UGT1A5: variants seen among roughly 807,000 people sequenced by gnomAD.
The protein encoded by UGT1A5 is UDP glucuronosyltransferase family 1 member A5.
A neutral mutation model predicts 40.3 loss-of-function variants in UGT1A5; 29 were observed. The observed-to-expected ratio is 0.72, with a 90% confidence interval of 0.54 to 0.98. The LOEUF (loss-of-function observed/expected upper bound fraction) is 0.98. Among genes scored for constraint, UGT1A5 ranks in the 50% least tolerant of loss-of-function variants. The probability of loss-of-function intolerance (pLI) is 0.00; values close to 1 mark genes in which losing one functional copy is unlikely to be tolerated. For synonymous variants in UGT1A5, 257 were observed against 262.5 expected (o/e 0.98, Z 0.20); for missense variants, 678 against 677.9 (o/e 1.00, Z 0.00).
At chr2:233,731,204 C>G (rs755932690) in intron 1 of UGT1A5, among the ~76,000 whole-genome samples, 2 of 151,184 alleles carry the variant, frequency 1.3e-5, no homozygotes, top group Non-Finnish European at 2.9e-5. Context: ...TTATAAAATA[C>G]GTGTTTATTT....
At chr2:233,756,974 T>C (rs1036999646) in intron 1 of UGT1A5, among the ~76,000 whole-genome samples, 2 of 151,942 alleles carry the variant, frequency 1.3e-5, no homozygotes, top group South Asian at 2.1e-4. Context: ...AAGCACGCAA[T>C]GAACAGTCAT....
chr2:233,724,899 C>G lies in UGT1A5; in HGVS notation c.867+11041C>G, dbSNP rs1488264154. On this transcript the variant is annotated intron_variant, in intron 1 of 4. Transcript: ENST00000373414. ...CGGAGATCACGCCACTGCACTCCAGCCTGGGCACCATTGAGCACTGAGTGA... is the reference window on the plus strand; with the variant it reads ...CGGAGATCACGCCACTGCACTCCAGGCTGGGCACCATTGAGCACTGAGTGA... Among the ~76,000 whole-genome samples the G allele has an allele frequency of 2.9e-5, 4 of 138,200 alleles. No homozygotes were observed. In the East Asian group the frequency reaches 8.6e-4, roughly 30 times the overall value. The allele number at this position is 138,200 out of a possible 152,430, so 90.7% of individuals were successfully genotyped here.
intron 1 of UGT1A5, among the ~76,000 whole-genome samples, chr2:233,766,184 T>A (rs1169450089): frequency 6.6e-6 from 1 of 152,052 alleles, no homozygotes; most frequent in Non-Finnish European, 1.5e-5. Context: ...ATTGAGTGGA[T>A]GTAGCTCTCA....
Position 233,767,161 on chromosome 2 carries a change from A to G in UGT1A5, c.995A>G (p.Gln332Arg), listed in dbSNP as rs72551348. The change falls in exon 2 of 5, where the codon CAG becomes CGG. Residue 332 changes from glutamine (Q) to arginine (R), a missense_variant. Physicochemically the swap from Gln to Arg is conservative, Grantham distance 43. Coordinates refer to ENST00000373414, the MANE Select transcript of UGT1A5 (RefSeq NM_019078.2). Reference sequence around the variant, plus strand: ...GCTGATGCTTTGGGCAAAATCCCTCAGACAGTAAGAAGATTCTATACCATG... The same window carrying G: ...GCTGATGCTTTGGGCAAAATCCCTCGGACAGTAAGAAGATTCTATACCATG... ...AIADALGKIP[Q>R]TVLWRYTGTR... is the part of the protein sequence containing the mutation. 60 of 1,614,012 alleles carry G rather than the reference A, an allele frequency of 3.7e-5. No individual in the cohort carries two copies. The highest frequency in any genetic ancestry group is 4.7e-5 in the Non-Finnish European group (55 of 1,180,018).
intron 1 of UGT1A5, chr2:233,743,760 A>T: frequency 7.3e-7 from 1 of 1,367,362 alleles, no homozygotes; most frequent in South Asian, 1.1e-5. Flanking sequence ...AACACCTCGT[A>T]GGCCTCGGCC....
At position 233,725,173 on chromosome 2, in the gene UGT1A5, C is replaced by G. The variant is rs567676971; in HGVS notation, c.867+11315C>G. On this transcript the variant is annotated intron_variant, in intron 1 of 4. Transcript: ENST00000373414. ...CTTCGGCTCTGCATGAGAGGGAGAC[C>G]GTGGGGAGAGGCAGAGGCAGAGGCA... Among the ~76,000 whole-genome samples, 8 of 94,296 alleles carry G rather than the reference C, an allele frequency of 8.5e-5. 1 individual carries two copies. The East Asian group carries it at 9.6e-4, about 11-fold the overall frequency. The allele number at this position is 94,296 out of a possible 152,430, so 61.9% of individuals were successfully genotyped here.
intron 1 of UGT1A5, chr2:233,760,792 G>A (rs1185395607): frequency 1.2e-6 from 2 of 1,613,510 alleles, no homozygotes; most frequent in Non-Finnish European, 1.7e-6. Context: ...TCTGCCCACT[G>A]TATTCTTCTT....
Position 233,746,504 on chromosome 2 carries a change from C to T in UGT1A5, c.868-20530C>T, listed in dbSNP as rs747424626. 1.1e-4 allele frequency among the ~76,000 whole-genome samples: 17 copies of T among 151,868 alleles called. 1 individual carries two copies. Among genetic ancestry groups the T allele is most frequent in the East Asian group, 5.8e-4 (3 of 5,180 alleles). Reference sequence around the variant, plus strand: ...CCATGGACATGTCACTCTTTAGTAGCCCCCAAAGCAAGACCATCATATTGC... The same window carrying T: ...CCATGGACATGTCACTCTTTAGTAGTCCCCAAAGCAAGACCATCATATTGC... On this transcript the variant is annotated intron_variant, in intron 1 of 4. Transcript: ENST00000373414.
chr2:233,743,267 C>T (rs1692250223), intron 1 of UGT1A5: 1 of 463,686 alleles, frequency 2.2e-6, no homozygotes, highest in Non-Finnish European at 4.0e-6. Flanking sequence ...TCTTCCTCCA[C>T]TTCCACCCTT....
intron 1 of UGT1A5, among the ~76,000 whole-genome samples, chr2:233,725,523 T>C (rs970179720): frequency 6.6e-6 from 1 of 152,060 alleles, no homozygotes; most frequent in African/African-American, 2.4e-5. Context: ...TAAGGCATTG[T>C]TTAACCAGAC....
At chr2:233,744,014 C>G (rs1692649024) in intron 1 of UGT1A5, 1 of 1,062,236 alleles carries the variant, frequency 9.4e-7, no homozygotes, top group Non-Finnish European at 1.2e-6. Context: ...CCTGGGCCGC[C>G]TGGAGAGACG....
At chr2:233,717,512 A>G (rs2076582211) in intron 1 of UGT1A5, among the ~76,000 whole-genome samples, 1 of 152,150 alleles carries the variant, frequency 6.6e-6, no homozygotes, top group Non-Finnish European at 1.5e-5. Flanking sequence ...TTCTAATGGG[A>G]GTAACTTCCT....
intron 1 of UGT1A5, among the ~76,000 whole-genome samples, chr2:233,757,010 A>G (rs1316931838): frequency 1.3e-5 from 2 of 151,932 alleles, no homozygotes; most frequent in African/African-American, 4.8e-5. Flanking sequence ...GGTAGAGTTC[A>G]GTTTGAACAA....
intron 1 of UGT1A5, among the ~76,000 whole-genome samples, chr2:233,716,167 C>T (rs747584906): frequency 6.6e-6 from 1 of 152,132 alleles, no homozygotes; most frequent in African/African-American, 2.4e-5. Flanking sequence ...AGATGCAGTG[C>T]AGCATCTTCA....
intron 1 of UGT1A5, chr2:233,718,760 G>A (rs1384235813): frequency 3.7e-6 from 6 of 1,612,482 alleles, no homozygotes; most frequent in African/African-American, 1.3e-5. Flanking sequence ...TAAGGCGAAG[G>A]AAACAAATGT....
intron 4 of UGT1A5, chr2:233,771,349 A>C (rs1700292689): frequency 6.6e-6 from 1 of 151,972 alleles, no homozygotes; most frequent in Non-Finnish European, 1.5e-5. Context: ...TGTAGCACCA[A>C]GGGTTGAAGC....
intron 1 of UGT1A5, among the ~76,000 whole-genome samples, chr2:233,738,401 T>G (rs1318254464): frequency 6.6e-6 from 1 of 152,210 alleles, no homozygotes; most frequent in African/African-American, 2.4e-5. Context: ...GACTTGGAAC[T>G]GGGTAACAGG....
intron 1 of UGT1A5, chr2:233,729,914 T>G (rs774517230): frequency 6.2e-7 from 1 of 1,614,026 alleles, no homozygotes. Context: ...GACTTTGTGA[T>G]GGACTACCCC....
intron 1 of UGT1A5, among the ~76,000 whole-genome samples, chr2:233,719,880 G>A (rs28898611): frequency 2.0e-5 from 3 of 152,144 alleles, no homozygotes; most frequent in Non-Finnish European, 4.4e-5. Flanking sequence ...GAAGAGGCAC[G>A]GATGAGGGTC....
Sources: gnomAD v4.1 joint callset for allele counts (sites outside exome capture counted in the v4.1 genomes callset) on GRCh38, gnomAD v4.1.1 for gene constraint, MANE v1.5 for transcripts, NCBI Gene and HGNC (gene_info 2026-07-23, HGNC 2026-07-21) for gene names.